The following CHMP3 variants were observed in gnomAD, a reference collection of about 807,000 sequenced individuals.
The protein encoded by CHMP3 is 25.1 protein.
In CHMP3, 8 loss-of-function variants were observed where a neutral mutation model predicts 27.4. The observed-to-expected ratio is 0.29, with a 90% CI of 0.17 to 0.53. CHMP3 has a LOEUF of 0.53. Ranked by LOEUF, CHMP3 falls within the 20% of genes least tolerant of loss-of-function variation. The pLI, the probability that CHMP3 is intolerant of heterozygous loss-of-function variation, is 0.96. For missense variants in CHMP3, 208 were observed against 271.5 expected, an observed-to-expected ratio of 0.77 and a Z score of 1.64; for synonymous variants, 86 against 85.5, an observed-to-expected ratio of 1.01 and a Z score of -0.03.
chr2:86,541,560 CT>C (rs1415274133), intron 2 of CHMP3, among the ~76,000 whole-genome samples: 2 of 152,092 alleles, frequency 1.3e-5, no homozygotes, highest in Non-Finnish European at 2.9e-5. Context: ...CATATTAAGA[CT>C]CTCTGTCTTT....
chr2:86,539,276 T>TA (rs1676266607), intron 2 of CHMP3, among the ~76,000 whole-genome samples: 1 of 152,126 alleles, frequency 6.6e-6, no homozygotes, highest in Admixed American at 6.5e-5. Flanking sequence ...CACCATCAAG[T>TA]AGTGAAGTCT....
At chr2:86,553,527 T>A (rs1268627333) in intron 1 of CHMP3, among the ~76,000 whole-genome samples, 1 of 152,142 alleles carries the variant, frequency 6.6e-6, no homozygotes, top group African/African-American at 2.4e-5. Flanking sequence ...AGATGGGGTT[T>A]CGCCATGTTG....
At chr2:86,557,069 AT>A (rs371312369) in intron 1 of CHMP3, among the ~76,000 whole-genome samples, 20 of 152,350 alleles carry the variant, frequency 1.3e-4, no homozygotes, top group African/African-American at 4.6e-4. Context: ...AGAGAAAAAT[AT>A]TCTTCCAGAA....
intron 1 of CHMP3, among the ~76,000 whole-genome samples, chr2:86,551,445 C>T (rs1025743879): frequency 5.9e-5 from 9 of 152,074 alleles, no homozygotes; most frequent in Non-Finnish European, 7.4e-5. Flanking sequence ...TTAGTAGGCA[C>T]GGGGTTTCAC....
chr2:86,551,811 G>A (rs1410451807), intron 1 of CHMP3, among the ~76,000 whole-genome samples: 1 of 152,090 alleles, frequency 6.6e-6, no homozygotes, highest in Non-Finnish European at 1.5e-5. Flanking sequence ...TTTGGCAAAG[G>A]GTTGGTTCAA....
At chr2:86,563,196 C>T (rs1573319343) in intron 1 of CHMP3, 108 bp downstream of exon 1, 6 of 1,354,208 alleles carry the variant, frequency 4.4e-6, no homozygotes, top group Non-Finnish European at 6.2e-6. Flanking sequence ...GAAATGGGGG[C>T]CGGGCGGTAT....
At chr2:86,550,169 A>T (rs1160808039) in intron 1 of CHMP3, among the ~76,000 whole-genome samples, 1 of 152,220 alleles carries the variant, frequency 6.6e-6, no homozygotes, top group Non-Finnish European at 1.5e-5. Context: ...TGAGGTCAGG[A>T]GCCGGAGACC....
intron 3 of CHMP3, among the ~76,000 whole-genome samples, chr2:86,523,967 G>T (rs1231206572): frequency 6.6e-6 from 1 of 152,132 alleles, no homozygotes; most frequent in East Asian, 1.9e-4. Context: ...AGGAAATTTT[G>T]CAGAAAGTAG....
intron 1 of CHMP3, chr2:86,542,671 T>C (rs1244585084): frequency 5.7e-6 from 1 of 174,688 alleles, no homozygotes; most frequent in Non-Finnish European, 1.2e-5. Context: ...CAGGTAGTCA[T>C]TTCAAAAACT....
At chr2:86,510,594 T>C (rs1675067776) in intron 3 of CHMP3, 115 bp from the exon 4 acceptor site, 2 of 1,390,420 alleles carry the variant, frequency 1.4e-6, no homozygotes, top group African/African-American at 1.4e-5. Context: ...CCCGAAGTTA[T>C]TTGTGTGCCT....
chr2:86,526,882 A>G (rs1189418109), intron 3 of CHMP3, among the ~76,000 whole-genome samples: 1 of 152,076 alleles, frequency 6.6e-6, no homozygotes, highest in African/African-American at 2.4e-5. Context: ...ATTTATCCAC[A>G]TGAACATATT....
chr2:86,560,334 T>C (rs1382281890), intron 1 of CHMP3, among the ~76,000 whole-genome samples: 7 of 151,930 alleles, frequency 4.6e-5, no homozygotes, highest in Non-Finnish European at 1.0e-4. Flanking sequence ...CCATCAATCA[T>C]AGACTGGATT....
intron 2 of CHMP3, among the ~76,000 whole-genome samples, chr2:86,531,254 C>T (rs4832040): frequency 0.39 from 59,416 of 151,950 alleles, 13,598 homozygotes; most frequent in East Asian, 0.75. Context: ...AGCAATCTAC[C>T]CACCACAGCC....
intron 3 of CHMP3, among the ~76,000 whole-genome samples, chr2:86,517,264 T>A (rs2104752503): frequency 6.6e-6 from 1 of 152,164 alleles, no homozygotes; most frequent in East Asian, 1.9e-4. Context: ...GGAAGCAAAA[T>A]AACTAAAAAA....
chr2:86,542,095 G>T (rs1469739819), intron 2 of CHMP3, among the ~76,000 whole-genome samples, 157 bp downstream of exon 2: 1 of 151,690 alleles, frequency 6.6e-6, no homozygotes, highest in African/African-American at 2.4e-5. Flanking sequence ...TTTTAATACT[G>T]ATTACAGAAT....
chr2:86,523,209 G>C (rs955946524), intron 3 of CHMP3, among the ~76,000 whole-genome samples: 2 of 152,098 alleles, frequency 1.3e-5, no homozygotes, highest in Non-Finnish European at 2.9e-5. Flanking sequence ...GGAATGCACA[G>C]TTCTTTTTGG....
At chr2:86,535,126 T>C (rs1049185704) in intron 2 of CHMP3, among the ~76,000 whole-genome samples, 1 of 151,940 alleles carries the variant, frequency 6.6e-6, no homozygotes, top group Non-Finnish European at 1.5e-5. Flanking sequence ...TGCAGTGGCA[T>C]GCATCTATAG....
At chr2:86,516,628 G>A (rs1341224685) in intron 3 of CHMP3, among the ~76,000 whole-genome samples, 1 of 152,110 alleles carries the variant, frequency 6.6e-6, no homozygotes, top group Non-Finnish European at 1.5e-5. Context: ...AACTGAGAAG[G>A]CCTACAATGG....
chr2:86,537,623 C>G (rs113957477), intron 2 of CHMP3, among the ~76,000 whole-genome samples: 33 of 152,286 alleles, frequency 2.2e-4, no homozygotes, highest in African/African-American at 7.7e-4. Context: ...CCCCAGGGCT[C>G]ATCAGGTTTG....
Sources: gnomAD v4.1 joint callset for allele counts (sites outside exome capture counted in the v4.1 genomes callset) on GRCh38, gnomAD v4.1.1 for gene constraint, MANE v1.5 for transcripts, NCBI Gene and HGNC (gene_info 2026-07-23, HGNC 2026-07-21) for gene names.